Variants in UACA observed in about 807,000 individuals in gnomAD.
The protein encoded by UACA is uveal autoantigen with coiled-coil domains and ankyrin repeats, also known as nuclear membrane binding protein.
UACA carries 112 observed loss-of-function variants against 160.5 expected under a neutral mutation model. The observed-to-expected ratio is 0.70, with a 90% CI of 0.60 to 0.82. UACA has a LOEUF of 0.82. Ranked by LOEUF, UACA falls within the 40% of genes least tolerant of loss-of-function variation. UACA has a pLI of 0.00. For missense variants in UACA, 1,574 were observed against 1,614.6 expected, an observed-to-expected ratio of 0.97 and a Z score of 0.43; for synonymous variants, 557 against 568.4, an observed-to-expected ratio of 0.98 and a Z score of 0.29.
intron 18 of UACA, among the ~76,000 whole-genome samples, chr15:70,659,585 A>G (rs1011493375): frequency 6.6e-6 from 1 of 151,730 alleles, no homozygotes; most frequent in Non-Finnish European, 1.5e-5. Flanking sequence ...GAAATTAAGC[A>G]TAGTATCCTT....
intron 1 of UACA, among the ~76,000 whole-genome samples, chr15:70,719,171 G>C (rs1898917645): frequency 6.6e-6 from 1 of 151,816 alleles, no homozygotes; most frequent in African/African-American, 2.4e-5. Context: ...TCAGAAAAGG[G>C]GCCTATGTGC....
chr15:70,660,776 T>C (rs1429502502), intron 17 of UACA: 1 of 152,362 alleles, frequency 6.6e-6, no homozygotes, highest in Admixed American at 6.5e-5. Context: ...TCTCTATTTC[T>C]GTTGCCCATG....
chr15:70,666,775 T>A lies in UACA; in HGVS notation c.3909A>T (p.Leu1303Phe). 8.1e-6 allele frequency: 13 copies of A among 1,610,942 alleles called. No individual in the cohort carries two copies. The highest frequency in any genetic ancestry group is 1.1e-5 in the Non-Finnish European group (13 of 1,179,290). ...TAGCAGATTCTTGTATTCTTCTTTGTAACTCTGTGATTGTTGTTAAGGACT... is the reference window on the plus strand; with the variant it reads ...TAGCAGATTCTTGTATTCTTCTTTGAAACTCTGTGATTGTTGTTAAGGACT... ...CDKSLTTITE[L>F]QRRIQESAKQ... The change falls in exon 16 of 19, where the codon TTA becomes TTT. Residue 1303 changes from leucine (L) to phenylalanine (F), a missense_variant. Physicochemically the swap from Leu to Phe is conservative, Grantham distance 22. Transcript: ENST00000322954.
At chr15:70,744,208 C>T (rs891358888) in intron 1 of UACA, among the ~76,000 whole-genome samples, 3 of 143,582 alleles carry the variant, frequency 2.1e-5, no homozygotes, top group African/African-American at 5.3e-5. Context: ...GAGATTACGC[C>T]ACTGCATTCC....
Position 70,671,036 on chromosome 15 carries a change from T to G in UACA, c.1221+3A>C. 1.3e-6 allele frequency: 2 copies of G among 1,536,496 alleles called. No homozygotes were observed. The highest frequency in any genetic ancestry group is 1.7e-6 in the Non-Finnish European group (2 of 1,145,132). ...TAAAATTAAAAAAAAAAACAGTTATTACCTGTGAGTCTGCCATATACATCT... is the reference window on the plus strand; with the variant it reads ...TAAAATTAAAAAAAAAAACAGTTATGACCTGTGAGTCTGCCATATACATCT... On this transcript the variant is annotated splice_donor_region_variant and intron_variant, in intron 15 of 18. Coordinates refer to ENST00000322954, the MANE Select transcript of UACA (RefSeq NM_018003.4).
At chr15:70,772,321 G>A in the UACA span, among the ~76,000 whole-genome samples, 3 of 151,862 alleles carry the variant, frequency 2.0e-5, no homozygotes, top group South Asian at 2.1e-4. Context: ...GTGAAATCCC[G>A]TCTCTACTAA....
intron 3 of UACA, 46 bp downstream of exon 3, chr15:70,694,969 GTT>G: frequency 7.0e-7 from 1 of 1,426,136 alleles, no homozygotes; most frequent in African/African-American, 1.4e-5. Flanking sequence ...AGTGGACAAT[GTT>G]TGTTTTCACT....
At chr15:70,778,060 G>A in the UACA span, among the ~76,000 whole-genome samples, 3 of 152,052 alleles carry the variant, frequency 2.0e-5, no homozygotes, top group Admixed American at 6.5e-5. Context: ...AATTAGTCAG[G>A]CATAGTGACA....
the UACA span, among the ~76,000 whole-genome samples, chr15:70,769,338 C>CAAAAAAA: frequency 1.3e-4 from 10 of 77,682 alleles, no homozygotes; most frequent in Admixed American, 3.2e-4. Flanking sequence ...GACTCCGACT[C>CAAAAAAA]AAAAAAAAAA....
intron 1 of UACA, among the ~76,000 whole-genome samples, chr15:70,715,265 T>G (rs16954706): frequency 0.18 from 27,908 of 152,080 alleles, 3,961 homozygotes; most frequent in African/African-American, 0.4. Flanking sequence ...TAACAAATAT[T>G]TTTGCCAATG....
chr15:70,724,047 AT>A (rs1320434039), intron 1 of UACA, among the ~76,000 whole-genome samples: 2 of 152,182 alleles, frequency 1.3e-5, no homozygotes, highest in Admixed American at 1.3e-4. Flanking sequence ...GTAGCTTTAT[AT>A]TTTAAGTGTG....
At chr15:70,713,091 TC>T (rs1397979114) in intron 1 of UACA, among the ~76,000 whole-genome samples, 5 of 152,208 alleles carry the variant, frequency 3.3e-5, no homozygotes, top group Non-Finnish European at 5.9e-5. Flanking sequence ...ACGCCTGTAA[TC>T]CCAGCACTTT....
At chr15:70,721,537 GA>G (rs1315038631) in intron 1 of UACA, among the ~76,000 whole-genome samples, 1 of 151,708 alleles carries the variant, frequency 6.6e-6, no homozygotes, top group Non-Finnish European at 1.5e-5. Flanking sequence ...TGAGGCAGGA[GA>G]ATGGCGTGAA....
chr15:70,667,774 C>G lies in UACA; in HGVS notation c.2910G>C (p.Gln970His). ...CTTGTATTGTGTCGAGCTCCTTCTT[C>G]TGGGCTTTAATTTCGGCATGCAGTG... ...IVTLHAEIKA[Q>H]KKELDTIQEC... Residue 970 changes from glutamine (Q) to histidine (H), a missense_variant, in exon 16 of 19, where the codon CAG becomes CAC. Transcript: ENST00000322954. The G allele has an allele frequency of 6.2e-7, 1 of 1,614,026 alleles. No homozygotes were observed. Among genetic ancestry groups the G allele is most frequent in the Non-Finnish European group, 8.5e-7 (1 of 1,180,004 alleles).
At chr15:70,715,391 AAAAC>A (rs1898793704) in intron 1 of UACA, among the ~76,000 whole-genome samples, 1 of 152,150 alleles carries the variant, frequency 6.6e-6, no homozygotes, top group South Asian at 2.1e-4. Context: ...GATTACAATA[AAAAC>A]AAACAAAAGA....
intron 1 of UACA, among the ~76,000 whole-genome samples, chr15:70,752,281 G>A (rs1256201419): frequency 6.7e-6 from 1 of 149,852 alleles, no homozygotes; most frequent in East Asian, 2.0e-4. Flanking sequence ...AAATCAGGAA[G>A]TGTTTGTGGG....
At chr15:70,708,729 C>A (rs944027215) in intron 1 of UACA, among the ~76,000 whole-genome samples, 1 of 152,096 alleles carries the variant, frequency 6.6e-6, no homozygotes, top group Admixed American at 6.6e-5. Context: ...CGTCGGCCTC[C>A]CAAAGTGCTA....
chr15:70,763,982 CT>C (rs2030936349), upstream of UACA, among the ~76,000 whole-genome samples: 1 of 152,228 alleles, frequency 6.6e-6, no homozygotes, highest in Non-Finnish European at 1.5e-5. Context: ...GGAGCAACTT[CT>C]TTTCAGTCTC....
intron 1 of UACA, among the ~76,000 whole-genome samples, chr15:70,713,472 G>A (rs1393282117): frequency 6.6e-6 from 1 of 152,180 alleles, no homozygotes; most frequent in Non-Finnish European, 1.5e-5. Context: ...CAGACAGTGG[G>A]AACAACTAGT....
Sources: allele counts gnomAD v4.1 joint callset (sites outside exome capture counted in the v4.1 genomes callset), GRCh38; gene constraint gnomAD v4.1.1; transcripts MANE v1.5; gene names NCBI Gene and HGNC (gene_info 2026-07-23, HGNC 2026-07-21).